AHI1: variants seen among roughly 807,000 people sequenced by gnomAD.
The protein encoded by AHI1 is jouberin.
Under a neutral mutation model 149.3 loss-of-function variants are expected in AHI1, and 123 were observed. The observed-to-expected ratio is 0.82, with a 90% confidence interval of 0.71 to 0.96. AHI1 has a LOEUF of 0.96. Among genes scored for constraint, AHI1 ranks in the 40% least tolerant of loss-of-function variants. The probability of loss-of-function intolerance (pLI) is 0.00; values close to 1 mark genes in which losing one functional copy is unlikely to be tolerated. For missense variants in AHI1, 1,439 were observed against 1,422.7 expected (o/e 1.01, Z -0.18); for synonymous variants, 475 against 459.8 (o/e 1.03, Z -0.42).
chr6:135,389,449 T>A (rs1364634094), intron 23 of AHI1, among the ~76,000 whole-genome samples: 1 of 152,162 alleles, frequency 6.6e-6, no homozygotes, highest in African/African-American at 2.4e-5. Flanking sequence ...ATATTTTCAC[T>A]GTGAAGGAAA....
intron 23 of AHI1, among the ~76,000 whole-genome samples, chr6:135,382,954 T>A (rs10872430): frequency 2.0e-5 from 2 of 100,010 alleles, no homozygotes; most frequent in Admixed American, 1.3e-4. Flanking sequence ...TATATATATA[T>A]ACATATAAAA....
At chr6:135,292,281 T>C (rs1170152576) in intron 27 of AHI1, among the ~76,000 whole-genome samples, 1 of 152,204 alleles carries the variant, frequency 6.6e-6, no homozygotes, top group African/African-American at 2.4e-5. Flanking sequence ...TCTTAAATTC[T>C]GTCTTCATCT....
intron 19 of AHI1, among the ~76,000 whole-genome samples, chr6:135,428,054 T>C (rs1244610669): frequency 6.6e-6 from 1 of 151,486 alleles, no homozygotes; most frequent in African/African-American, 2.4e-5. Context: ...TTAAAGTTAG[T>C]TTTATGAAAC....
At chr6:135,483,076 T>A in intron 5 of AHI1, among the ~76,000 whole-genome samples, 1 of 151,020 alleles carries the variant, frequency 6.6e-6, no homozygotes, top group Non-Finnish European at 1.5e-5. Flanking sequence ...TTTTTTGTAT[T>A]TTTAGTAGAG....
At chr6:135,495,088 T>A (rs149323434) in intron 3 of AHI1, among the ~76,000 whole-genome samples, 1 of 150,200 alleles carries the variant, frequency 6.7e-6, no homozygotes, top group Non-Finnish European at 1.5e-5. Context: ...CCAAAGGCAG[T>A]GACATGAGAC....
At chr6:135,475,802 C>T (rs527373460) in intron 5 of AHI1, among the ~76,000 whole-genome samples, 1 of 152,248 alleles carries the variant, frequency 6.6e-6, no homozygotes, top group African/African-American at 2.4e-5. Context: ...AATCTGTATC[C>T]TTTTACAGTA....
rs534332625 is a variant in AHI1, at chr6:135,292,640, C to G, written c.3486-2115G>C. On this transcript the variant is annotated intron_variant, in intron 27 of 28. Transcript: ENST00000265602. ...CTTGAGGCCCGGAACAGTGTTTATTCCCACTAGCAATGAACAGAACTGTTC... is the reference window on the plus strand; with the variant it reads ...CTTGAGGCCCGGAACAGTGTTTATTGCCACTAGCAATGAACAGAACTGTTC... Among the ~76,000 whole-genome samples, 46 of 152,300 alleles carry G rather than the reference C, an allele frequency of 3.0e-4. No individual in the cohort carries two copies. In the South Asian group the frequency reaches 9.5e-3, roughly 32 times the overall value.
At chr6:135,323,059 T>G in intron 25 of AHI1, 103 bp downstream of exon 25, 1 of 1,270,608 alleles carries the variant, frequency 7.9e-7, no homozygotes, top group Non-Finnish European at 1.0e-6. Context: ...GGTAAACATA[T>G]GCAAAGGTTA....
At chr6:135,474,876 T>C (rs1792339869) in intron 5 of AHI1, among the ~76,000 whole-genome samples, 1 of 152,240 alleles carries the variant, frequency 6.6e-6, no homozygotes, top group African/African-American at 2.4e-5. Flanking sequence ...TGTATTTTTC[T>C]TGCAATCTTT....
In AHI1 at chr6:135,447,101, A is replaced by G. The variant is rs199525548; in HGVS notation, c.1686T>C (p.His562=). The change falls in exon 13 of 29, where the codon CAT becomes CAC. Residue 562 remains histidine (H), a synonymous_variant. Coordinates refer to ENST00000265602, the MANE Select transcript of AHI1 (RefSeq NM_001134831.2). ...AGCTTGACTCATGGTGACGTTCACA[A>G]TGCACTGGTTTACCTTTTTCCTCCT... ...ALQEEKGKPV[H]CERHHESSSV... is the part of the protein sequence containing the mutation. The G allele has an allele frequency of 2.5e-5, 41 of 1,612,760 alleles. No homozygotes were observed. The East Asian group carries it at 8.0e-4, about 32-fold the overall frequency.
chr6:135,464,102 C>T (rs1790355815), intron 7 of AHI1, among the ~76,000 whole-genome samples: 1 of 151,524 alleles, frequency 6.6e-6, no homozygotes, highest in Non-Finnish European at 1.5e-5. Context: ...GAAAAACCAG[C>T]CTACTAACAT....
intron 24 of AHI1, among the ~76,000 whole-genome samples, chr6:135,328,119 C>G (rs1341520698): frequency 1.3e-5 from 2 of 152,088 alleles, no homozygotes; most frequent in Non-Finnish European, 2.9e-5. Flanking sequence ...GGGGACTGAG[C>G]CCTCAACCTG....
intron 20 of AHI1, among the ~76,000 whole-genome samples, chr6:135,426,464 C>G (rs532177942): frequency 5.3e-5 from 8 of 151,696 alleles, no homozygotes; most frequent in Admixed American, 2.0e-4. Flanking sequence ...TCTATATTAA[C>G]TTAATACACT....
chr6:135,313,206 T>C (rs1381090259), intron 26 of AHI1, among the ~76,000 whole-genome samples: 2 of 152,208 alleles, frequency 1.3e-5, no homozygotes, highest in South Asian at 2.1e-4. Flanking sequence ...GATCATTTGT[T>C]ATACCTTCTC....
At chr6:135,465,523 G>A (rs1418344552) in intron 7 of AHI1, among the ~76,000 whole-genome samples, 1 of 152,152 alleles carries the variant, frequency 6.6e-6, no homozygotes, top group Non-Finnish European at 1.5e-5. Context: ...GTAGGGACAA[G>A]GATCTGGCTC....
chr6:135,409,842 T>C lies in AHI1; in HGVS notation c.2961+1506A>G, dbSNP rs371163473. Among the ~76,000 whole-genome samples the C allele has an allele frequency of 1.3e-4, 20 of 152,350 alleles. No homozygotes were observed. In the East Asian group the frequency reaches 3.1e-3, roughly 23 times the overall value. ...TTTCATTTTATAGATTTTGGGACTT[T>C]AGCACAGGAAGGCCTTTTGTATTTG... On this transcript the variant is annotated intron_variant, in intron 21 of 28. Coordinates refer to ENST00000265602, the MANE Select transcript of AHI1 (RefSeq NM_001134831.2).
intron 26 of AHI1, among the ~76,000 whole-genome samples, chr6:135,309,035 G>A (rs564887008): frequency 4.6e-5 from 7 of 152,318 alleles, no homozygotes; most frequent in Non-Finnish European, 1.0e-4. Context: ...TAGGGGCTGA[G>A]GTACATATAT....
In AHI1 at chr6:135,301,615, T is replaced by C. The variant is rs367548110; in HGVS notation, c.3427-1057A>G. On this transcript the variant is annotated intron_variant, in intron 26 of 28. Transcript: ENST00000265602. ...TTCTGGACCATAATTATATGATTAT[T>C]ACTGCTAGCTGTAGAGCTTTAAGTC... The C allele has an allele frequency of 1.4e-5, 14 of 985,334 alleles. No individual in the cohort carries two copies. In the East Asian group the frequency reaches 7.9e-4, roughly 56 times the overall value. 61.0% of individuals were successfully genotyped at this position (985,334 alleles called of 1,614,324 possible). A position where few individuals can be genotyped will look rare whatever the true frequency, so the allele number is the denominator to read the frequency against.
At chr6:135,457,318 T>C (rs1789131991) in intron 9 of AHI1, among the ~76,000 whole-genome samples, 176 bp downstream of exon 9, 1 of 152,190 alleles carries the variant, frequency 6.6e-6, no homozygotes, top group East Asian at 1.9e-4. Flanking sequence ...ATGTTCTCCA[T>C]TTCTTCTACA....
Sources: allele counts gnomAD v4.1 joint callset (sites outside exome capture counted in the v4.1 genomes callset), GRCh38; gene constraint gnomAD v4.1.1; transcripts MANE v1.5; gene names NCBI Gene and HGNC (gene_info 2026-07-23, HGNC 2026-07-21).